EFCAB11: variants seen among roughly 807,000 people sequenced by gnomAD.
The protein encoded by EFCAB11 is EF-hand calcium-binding domain-containing protein 11.
Under a neutral mutation model 23.0 loss-of-function variants are expected in EFCAB11, and 14 were observed. The ratio of observed to expected loss-of-function variants is 0.61; its 90% confidence interval spans 0.40 to 0.95. The LOEUF (loss-of-function observed/expected upper bound fraction) is 0.95. EFCAB11 is among the 40% of genes least tolerant of loss of function. The pLI is 0.00. For missense variants in EFCAB11, 198 were observed against 195.8 expected (o/e 1.01, Z -0.07); for synonymous variants, 65 against 66.6 (o/e 0.98, Z 0.11).
chr14:89,898,987 T>C (rs1296926869), intron 5 of EFCAB11, among the ~76,000 whole-genome samples: 1 of 152,184 alleles, frequency 6.6e-6, no homozygotes, highest in African/African-American at 2.4e-5. Flanking sequence ...AATTTTCTTT[T>C]ATAAGTATCA....
chr14:89,823,131 T>C (rs982933416), intron 5 of EFCAB11, among the ~76,000 whole-genome samples: 3 of 151,990 alleles, frequency 2.0e-5, no homozygotes, highest in Admixed American at 6.6e-5. Context: ...CTTTCTCCAG[T>C]GTGTAGTAAA....
chr14:89,892,507 T>C, intron 5 of EFCAB11: 2 of 1,301,710 alleles, frequency 1.5e-6, no homozygotes, highest in South Asian at 1.5e-5. Flanking sequence ...TGGGGAATGT[T>C]AGTATCTCTC....
chr14:89,916,714 G>T (rs535013414), intron 5 of EFCAB11, among the ~76,000 whole-genome samples: 2 of 152,304 alleles, frequency 1.3e-5, no homozygotes, highest in Admixed American at 6.5e-5. Flanking sequence ...TTTACAAGGA[G>T]AGAACAAGAG....
intron 5 of EFCAB11, among the ~76,000 whole-genome samples, chr14:89,871,589 A>G (rs2140163490): frequency 6.6e-6 from 1 of 152,296 alleles, no homozygotes; most frequent in Non-Finnish European, 1.5e-5. Flanking sequence ...TGATGCCCCT[A>G]CTTTGCATTA....
At chr14:89,927,725 C>CT (rs374033325) in intron 5 of EFCAB11, among the ~76,000 whole-genome samples, 2,233 of 146,106 alleles carry the variant, frequency 0.015, 28 homozygotes, top group Middle Eastern at 0.059. Flanking sequence ...ATGTGTTATT[C>CT]TTTTTTTTTT....
chr14:89,909,552 G>A (rs1889603182), intron 5 of EFCAB11, among the ~76,000 whole-genome samples: 1 of 152,138 alleles, frequency 6.6e-6, no homozygotes, highest in South Asian at 2.1e-4. Context: ...TTGCACTTCA[G>A]CCTGGGCGAC....
chr14:89,832,237 C>T (rs528796577), intron 5 of EFCAB11, among the ~76,000 whole-genome samples: 3 of 152,160 alleles, frequency 2.0e-5, no homozygotes, highest in Non-Finnish European at 2.9e-5. Context: ...CACTTGAATC[C>T]GGGAGGCAGA....
intron 5 of EFCAB11, among the ~76,000 whole-genome samples, chr14:89,883,605 T>C (rs1266994385): frequency 6.6e-6 from 1 of 152,206 alleles, no homozygotes; most frequent in African/African-American, 2.4e-5. Context: ...AGTCTGTATA[T>C]GTTCAGCGTA....
intron 5 of EFCAB11, among the ~76,000 whole-genome samples, chr14:89,905,881 A>C (rs1296608817): frequency 6.6e-6 from 1 of 152,190 alleles, no homozygotes; most frequent in Non-Finnish European, 1.5e-5. Flanking sequence ...ACGGAAAAGG[A>C]AAAATCAATG....
intron 5 of EFCAB11, among the ~76,000 whole-genome samples, chr14:89,804,063 C>A (rs1885879564): frequency 1.3e-5 from 2 of 152,216 alleles, no homozygotes; most frequent in African/African-American, 4.8e-5. Context: ...CCGTCCCACG[C>A]TATGCAACCT....
chr14:89,913,145 G>A (rs1241234460), intron 5 of EFCAB11, among the ~76,000 whole-genome samples: 2 of 152,198 alleles, frequency 1.3e-5, no homozygotes, highest in Non-Finnish European at 2.9e-5. Context: ...CACTGGCTCT[G>A]GCTGAGAACT....
At chr14:89,892,731 G>A (rs373285250) in intron 5 of EFCAB11, among the ~76,000 whole-genome samples, 15 of 152,016 alleles carry the variant, frequency 9.9e-5, no homozygotes, top group Admixed American at 6.5e-4. Context: ...GTGAAACCCC[G>A]TCTCTACTAA....
Position 89,794,878 on chromosome 14 carries a change from T to A in EFCAB11, c.*2365A>T, listed in dbSNP as rs1166865963. ...TTTCCCCTACTATTAACATTATATATGAGTAGGATACATTTGTTACAATTA... is the reference window on the plus strand; with the variant it reads ...TTTCCCCTACTATTAACATTATATAAGAGTAGGATACATTTGTTACAATTA... On this transcript the variant is annotated 3_prime_UTR_variant, in exon 6 of 6. Transcript: ENST00000316738. The A allele has an allele frequency of 6.6e-6, 1 of 151,952 alleles. No homozygotes were observed. The highest frequency in any genetic ancestry group is 1.5e-5 in the Non-Finnish European group (1 of 67,994). The allele number at this position is 151,952 out of a possible 1,614,324, so 9.4% of individuals were successfully genotyped here.
intron 5 of EFCAB11, among the ~76,000 whole-genome samples, chr14:89,867,446 G>C (rs567709415): frequency 5.3e-5 from 8 of 152,280 alleles, no homozygotes; most frequent in African/African-American, 1.9e-4. Flanking sequence ...TTTAGAAACA[G>C]TATAAGGAAA....
rs145270520 is a variant in EFCAB11, at chr14:89,869,038, C to CA, written c.410+62502dup. On this transcript the variant is annotated intron_variant, in intron 5 of 5. Coordinates refer to ENST00000316738, the MANE Select transcript of EFCAB11 (RefSeq NM_145231.4). ...GTAACATAGTGAGACCTCAACTCTA[C>CA]AAAAAAAAAATTAAATTAGCCAGAT... Among the ~76,000 whole-genome samples the CA allele has an allele frequency of 3.5e-4, 52 of 147,330 alleles. No homozygotes were observed. The East Asian group carries it at 4.0e-3, about 11-fold the overall frequency.
chr14:89,929,030 C>CATATATATATATATATATATATATATTTT (rs34339124), intron 5 of EFCAB11, among the ~76,000 whole-genome samples: 13 of 121,286 alleles, frequency 1.1e-4, no homozygotes, highest in African/African-American at 3.9e-4. Context: ...TAAATACATA[C>CATATATATATATATATATATATATATTTT]ATATATATAT....
chr14:89,854,204 A>C (rs1311986267), intron 5 of EFCAB11, among the ~76,000 whole-genome samples: 1 of 149,892 alleles, frequency 6.7e-6, no homozygotes, highest in Non-Finnish European at 1.5e-5. Context: ...CTCAAAAAAA[A>C]AAAAAATGAC....
chr14:89,814,455 A>G (rs530126804), intron 5 of EFCAB11, among the ~76,000 whole-genome samples: 1 of 152,256 alleles, frequency 6.6e-6, no homozygotes, highest in Admixed American at 6.5e-5. Context: ...CTGTAATCCC[A>G]GCACTTTGGG....
At chr14:89,826,297 G>C (rs1373309551) in intron 5 of EFCAB11, among the ~76,000 whole-genome samples, 1 of 152,030 alleles carries the variant, frequency 6.6e-6, no homozygotes, top group African/African-American at 2.4e-5. Context: ...TGGGGACCTA[G>C]GGAATATGAA....
Sources: gnomAD v4.1 joint callset for allele counts (sites outside exome capture counted in the v4.1 genomes callset) on GRCh38, gnomAD v4.1.1 for gene constraint, MANE v1.5 for transcripts, NCBI Gene and HGNC (gene_info 2026-07-23, HGNC 2026-07-21) for gene names.